Variants in LRRC8E observed in about 807,000 individuals in gnomAD.
LRRC8E encodes leucine rich repeat containing 8 VRAC subunit E.
LRRC8E carries 6 observed loss-of-function variants against 6.1 expected under a neutral mutation model. That is an observed-to-expected ratio of 0.98 (90% CI 0.54 to 1.93). The LOEUF (loss-of-function observed/expected upper bound fraction) is 1.93. LRRC8E is among the 30% of genes most tolerant of loss of function. The pLI, the probability that LRRC8E is intolerant of heterozygous loss-of-function variation, is 0.01. For synonymous variants in LRRC8E, 485 were observed against 472.8 expected (o/e 1.03, Z -0.33); for missense variants, 1,028 against 1,031.4 (o/e 1.00, Z 0.04).
chr19:7,900,603 A>G lies in LRRC8E; in HGVS notation c.2081A>G (p.Glu694Gly). 1 of 1,613,274 alleles carries G rather than the reference A, an allele frequency of 6.2e-7. No individual in the cohort carries two copies. Among genetic ancestry groups the G allele is most frequent in the Non-Finnish European group, 8.5e-7 (1 of 1,180,022 alleles). ...SHNGLHSLPP[E>G]VGLLQNLQHL... is the part of the protein sequence containing the mutation. ...AATGGGCTACACTCCCTGCCACCCG[A>G]GGTGGGCCTCCTGCAGAACCTACAG... Residue 694 changes from glutamate (E) to glycine (G), a missense_variant, in exon 3 of 3, where the codon GAG (glutamate) becomes GGG (glycine). Physicochemically the swap from Glu to Gly is moderately conservative, Grantham distance 98 (BLOSUM62 -2). Coordinates refer to ENST00000306708, the MANE Select transcript of LRRC8E (RefSeq NM_025061.6). This position sits in a 1 kb window ranked among gnomAD's most constrained non-coding sequence, Gnocchi z 5.0.
rs141790327 is a variant in LRRC8E, at chr19:7,890,291, G to C, written c.-6+1691G>C. On this transcript the variant is annotated intron_variant, in intron 1 of 2. Transcript: ENST00000306708. ...GCATGGGTGGATGGAGCCAGGGCTG[G>C]TGGGAGCCACATGGTCTCAGGCTGG... 2.0e-3 allele frequency among the ~76,000 whole-genome samples: 297 copies of C among 152,236 alleles called. 5 individuals are homozygous for C. Among genetic ancestry groups the C allele is most frequent in the African/African-American group, 6.8e-3 (284 of 41,508 alleles).
intron 1 of LRRC8E, among the ~76,000 whole-genome samples, chr19:7,891,699 C>G (rs756180420): frequency 1.3e-5 from 2 of 151,870 alleles, no homozygotes; most frequent in Non-Finnish European, 2.9e-5. Flanking sequence ...TTCTGTCTCC[C>G]GAGTTTAAGC....
intron 1 of LRRC8E, among the ~76,000 whole-genome samples, chr19:7,892,461 G>C (rs917829946): frequency 2.0e-5 from 3 of 152,128 alleles, no homozygotes; most frequent in African/African-American, 7.2e-5. Flanking sequence ...TCCTGCCTCA[G>C]CCTCCCAAAG....
rs979166599 is a variant in LRRC8E, at chr19:7,895,466, CTT to C, written c.-5-131_-5-130del. On this transcript the variant is annotated intron_variant, in intron 1 of 2. Coordinates refer to ENST00000306708, the MANE Select transcript of LRRC8E (RefSeq NM_025061.6). The surrounding 1 kb of genome is among the most constrained non-coding windows in gnomAD (Gnocchi z 4.7). ...GCTAAGAGGGAAGTGGGGGCACACACTTTGGTGGTTTGGACAAGTTTGGGCAG... is the reference window on the plus strand; with the variant it reads ...GCTAAGAGGGAAGTGGGGGCACACACTGGTGGTTTGGACAAGTTTGGGCAG... 6.3e-6 allele frequency: 7 copies of C among 1,114,744 alleles called. No homozygotes were observed. The highest frequency in any genetic ancestry group is 4.2e-5 in the Admixed American group (2 of 47,496). The allele number at this position is 1,114,744 out of a possible 1,614,324, so 69.1% of individuals were successfully genotyped here.
rs748956991 is a variant in LRRC8E, at chr19:7,899,102, G to A, written c.580G>A (p.Gly194Arg). 25 of 1,612,866 alleles carry A rather than the reference G, an allele frequency of 1.6e-5. 1 individual carries two copies. Among genetic ancestry groups the A allele is most frequent in the African/African-American group, 6.7e-5 (5 of 74,926 alleles). ...CACCATAGTGGCCATGGCAGGGACC[G>A]GGCCGGGGAAGGCAGGGGAGGGTGA... ...AATIVAMAGT[G>R]PGKAGEGEKE... The change falls in exon 3 of 3, where the codon GGG becomes AGG. Residue 194 changes from glycine to arginine, a missense_variant. Physicochemically the swap from Gly to Arg is moderately radical, Grantham distance 125. Transcript: ENST00000306708.
At chr19:7,891,418 C>G (rs546886102) in intron 1 of LRRC8E, among the ~76,000 whole-genome samples, 320 of 152,206 alleles carry the variant, frequency 2.1e-3, no homozygotes, top group African/African-American at 6.5e-3. Context: ...GGCTGCCCCC[C>G]GGTCCCCTGA....
intron 2 of LRRC8E, among the ~76,000 whole-genome samples, chr19:7,897,885 C>T (rs886113844): frequency 6.6e-6 from 1 of 151,960 alleles, no homozygotes; most frequent in Non-Finnish European, 1.5e-5. Flanking sequence ...TTTGTGGGGA[C>T]ACGATTCAAC....
chr19:7,898,130 A>G (rs1568265386), intron 2 of LRRC8E, among the ~76,000 whole-genome samples: 1 of 151,412 alleles, frequency 6.6e-6, no homozygotes, highest in Non-Finnish European at 1.5e-5. Context: ...GAATTGCTTG[A>G]ACCAGGAGGG....
Position 7,900,452 on chromosome 19 carries a change from T to C in LRRC8E, c.1930T>C (p.Tyr644His). 6.2e-7 allele frequency: 1 copy of C among 1,612,964 alleles called. No homozygotes were observed. Among genetic ancestry groups the C allele is most frequent in the Middle Eastern group, 1.6e-4 (1 of 6,062 alleles). Residue 644 changes from tyrosine (Y) to histidine (H), a missense_variant, in exon 3 of 3, where the codon TAC becomes CAC. By Grantham distance (83) the Tyr-to-His change is moderately conservative (BLOSUM62 2). Coordinates refer to ENST00000306708, the MANE Select transcript of LRRC8E (RefSeq NM_025061.6). The surrounding 1 kb of genome is among the most constrained non-coding windows in gnomAD (Gnocchi z 5.0). ...CAGGCTGTGGCACAACCAGATCGCC[T>C]ACGTCCCTGAGCACGTGCGGAAGCT... ...TLRLWHNQIA[Y>H]VPEHVRKLRS...
rs1981735995 is a variant in LRRC8E, at chr19:7,898,675, G to A, written c.153G>A (p.Lys51=). The part of the protein sequence containing the change: ...FGCTLQVTQD[K]IICLPNHELQ... ...TTGCTCCTCAGGTGACACAGGACAA[G>A]ATCATCTGTCTACCCAATCATGAGC... The change falls in exon 3 of 3, where the codon AAG becomes AAA. Residue 51 remains lysine, a synonymous_variant. Coordinates refer to ENST00000306708, the MANE Select transcript of LRRC8E (RefSeq NM_025061.6). 6.2e-7 allele frequency: 1 copy of A among 1,608,170 alleles called. No individual in the cohort carries two copies. The highest frequency in any genetic ancestry group is 1.3e-5 in the African/African-American group (1 of 74,876).
At chr19:7,891,776 G>GT (rs1456654137) in intron 1 of LRRC8E, among the ~76,000 whole-genome samples, 1 of 151,446 alleles carries the variant, frequency 6.6e-6, no homozygotes, top group East Asian at 1.9e-4. Context: ...CTGGCTAATT[G>GT]TTTTTGTATT....
intron 1 of LRRC8E, among the ~76,000 whole-genome samples, chr19:7,894,115 GTT>G (rs370476798): frequency 1.2e-3 from 184 of 152,316 alleles, no homozygotes; most frequent in Middle Eastern, 0.01. Flanking sequence ...GGGGACCAGG[GTT>G]TCCCTAGATT....
In LRRC8E at chr19:7,899,888, C is replaced by T. The variant is rs1204876815; in HGVS notation, c.1366C>T (p.Leu456=). ...AICDITFPPG[L]SQLVHLQELS... is the part of the protein sequence containing the mutation. The stretch of plus-strand genomic sequence containing the variant: ...CTGCGATATCACCTTCCCCCCGGGG[C>T]TGTCACAGCTGGTGCACTTGCAGGA... Residue 456 remains leucine, a synonymous_variant, in exon 3 of 3, where the codon CTG becomes TTG. Coordinates refer to ENST00000306708, the MANE Select transcript of LRRC8E (RefSeq NM_025061.6). The T allele has an allele frequency of 5.6e-6, 9 of 1,607,098 alleles. No homozygotes were observed. Among genetic ancestry groups the T allele is most frequent in the Non-Finnish European group, 7.6e-6 (9 of 1,180,024 alleles).
chr19:7,889,646 G>A (rs1424369293), intron 1 of LRRC8E, among the ~76,000 whole-genome samples: 9 of 151,970 alleles, frequency 5.9e-5, no homozygotes, highest in Non-Finnish European at 1.2e-4. Flanking sequence ...GGGAGGCTGA[G>A]GCAGGAGGAT....
intron 1 of LRRC8E, among the ~76,000 whole-genome samples, chr19:7,892,811 C>T (rs763762339): frequency 1.3e-5 from 2 of 152,038 alleles, no homozygotes; most frequent in African/African-American, 4.8e-5. Context: ...TATTTGTAGT[C>T]GGGTTTCTTT....
At chr19:7,893,250 C>T (rs972405179) in intron 1 of LRRC8E, among the ~76,000 whole-genome samples, 28 of 152,222 alleles carry the variant, frequency 1.8e-4, no homozygotes, top group African/African-American at 6.7e-4. Flanking sequence ...TTGTGATTTG[C>T]CTGCCTCGGC....
intron 1 of LRRC8E, among the ~76,000 whole-genome samples, chr19:7,889,079 G>C (rs1351640492): frequency 6.6e-6 from 1 of 152,154 alleles, no homozygotes; most frequent in Admixed American, 6.5e-5. Flanking sequence ...GAATCCGCAG[G>C]CCTGGGGCCT....
rs896691007 is a variant in LRRC8E, at chr19:7,901,675, G to A, written c.*762G>A. The A allele has an allele frequency of 1.3e-5, 2 of 150,446 alleles. No individual in the cohort carries two copies. The highest frequency in any genetic ancestry group is 4.9e-5 in the African/African-American group (2 of 40,892). 9.3% of individuals were successfully genotyped at this position (150,446 alleles called of 1,614,324 possible). A position where few individuals can be genotyped will look rare whatever the true frequency, so the allele number is the denominator to read the frequency against. ...GGAGGATGGTTGAGCTCAGGAGTTC[G>A]AGATCAGCCTGGGTAACATAGCGAG... On this transcript the variant is annotated 3_prime_UTR_variant, in exon 3 of 3. Transcript: ENST00000306708.
In LRRC8E at chr19:7,895,505, G is replaced by A. The variant is rs1320564695; in HGVS notation, c.-5-94G>A. The A allele has an allele frequency of 1.3e-6, 2 of 1,503,946 alleles. No homozygotes were observed. The highest frequency in any genetic ancestry group is 2.7e-5 in the African/African-American group (2 of 72,978). 93.2% of individuals were successfully genotyped at this position (1,503,946 alleles called of 1,614,324 possible). On this transcript the variant is annotated intron_variant, in intron 1 of 2. Coordinates refer to ENST00000306708, the MANE Select transcript of LRRC8E (RefSeq NM_025061.6). This position sits in a 1 kb window ranked among gnomAD's most constrained non-coding sequence, Gnocchi z 4.7. ...ACAAGTTTGGGCAGGGAGGGTCACA[G>A]GCCTGCCTGTGTCCGGCTCCTCGGA...
Sources: gnomAD v4.1 joint callset for allele counts (sites outside exome capture counted in the v4.1 genomes callset) on GRCh38, gnomAD v4.1.1 for gene constraint, Gnocchi (gnomAD v3.1) non-coding constraint, MANE v1.5 for transcripts, NCBI Gene and HGNC (gene_info 2026-07-23, HGNC 2026-07-21) for gene names.